Variants in ESR1 observed in about 807,000 individuals in gnomAD.
The protein encoded by ESR1 is estrogen receptor 1, also known as estrogen receptor.
In ESR1, 12 loss-of-function variants were observed where a neutral mutation model predicts 52.7. The observed-to-expected ratio is 0.23, with a 90% confidence interval of 0.15 to 0.37. The LOEUF is 0.37. Ranked by LOEUF, ESR1 falls within the 10% of genes least tolerant of loss-of-function variation. The pLI is 1.00. For missense variants in ESR1, 584 were observed against 779.7 expected, an observed-to-expected ratio of 0.75 and a Z score of 2.99; for synonymous variants, 305 against 316.8, an observed-to-expected ratio of 0.96 and a Z score of 0.39.
chr6:151,778,960 A>G (rs1356158919), intron 2 of ESR1, among the ~76,000 whole-genome samples: 1 of 151,788 alleles, frequency 6.6e-6, no homozygotes, highest in Non-Finnish European at 1.5e-5. Context: ...TTTCTTGTTA[A>G]TTTATTTAAG....
intron 2 of ESR1, among the ~76,000 whole-genome samples, chr6:151,739,134 G>A (rs1014835702): frequency 6.6e-6 from 1 of 152,168 alleles, no homozygotes; most frequent in Non-Finnish European, 1.5e-5. Flanking sequence ...GGACTGTCTT[G>A]TCTTGACCAC....
chr6:151,924,663 C>G (rs2032355913), intron 3 of ESR1, among the ~76,000 whole-genome samples: 1 of 152,124 alleles, frequency 6.6e-6, no homozygotes, highest in Admixed American at 6.6e-5. Context: ...ATTTATCTCT[C>G]ACTTAAAAGT....
chr6:151,891,960 A>C (rs1398571211), intron 3 of ESR1, among the ~76,000 whole-genome samples: 1 of 152,174 alleles, frequency 6.6e-6, no homozygotes, highest in Non-Finnish European at 1.5e-5. Context: ...ATAATTTAAA[A>C]GGGGCATTTT....
At chr6:151,675,964 T>C (rs1334984005) in intron 1 of ESR1, among the ~76,000 whole-genome samples, 2 of 152,234 alleles carry the variant, frequency 1.3e-5, no homozygotes, top group African/African-American at 2.4e-5. Context: ...AGCACCTGCC[T>C]GCAGATTCCA....
In ESR1 at chr6:151,901,509, C is replaced by T. The variant is rs538080943; in HGVS notation, c.760+20738C>T. ...AAAGTTCAGCTGGAGGTTTCCTTCT[C>T]GCTGTGGTCTTTTCCCAGTTCCTCT... is the stretch of plus-strand genomic sequence containing the variant. On this transcript the variant is annotated intron_variant, in intron 3 of 7. Coordinates refer to ENST00000206249, the MANE Select transcript of ESR1 (RefSeq NM_000125.4). Among the ~76,000 whole-genome samples the T allele has an allele frequency of 1.4e-4, 21 of 152,308 alleles. No homozygotes were observed. The South Asian group carries it at 1.9e-3, about 14-fold the overall frequency.
intron 5 of ESR1, among the ~76,000 whole-genome samples, chr6:152,043,683 G>A (rs756551782): frequency 6.6e-6 from 1 of 152,222 alleles, no homozygotes; most frequent in Non-Finnish European, 1.5e-5. Flanking sequence ...GGCAGCGCAG[G>A]TGGAGGAGGG....
intron 5 of ESR1, among the ~76,000 whole-genome samples, chr6:152,058,034 C>A (rs2047243409): frequency 6.6e-6 from 1 of 152,158 alleles, no homozygotes; most frequent in African/African-American, 2.4e-5. Flanking sequence ...CACAGGCTCC[C>A]TCCCACACTG....
chr6:152,038,992 A>T (rs544421898), intron 5 of ESR1, among the ~76,000 whole-genome samples: 9 of 152,228 alleles, frequency 5.9e-5, no homozygotes, highest in Non-Finnish European at 1.2e-4. Context: ...AGTAAAATGA[A>T]GATATTGTCT....
chr6:151,741,719 A>G (rs1055719874), intron 2 of ESR1, among the ~76,000 whole-genome samples: 2 of 152,202 alleles, frequency 1.3e-5, no homozygotes, highest in Non-Finnish European at 2.9e-5. Context: ...GTGATGAGAT[A>G]TATATAGATA....
chr6:152,083,296 T>A (rs992808422), intron 6 of ESR1, among the ~76,000 whole-genome samples: 3 of 152,146 alleles, frequency 2.0e-5, no homozygotes, highest in Non-Finnish European at 4.4e-5. Flanking sequence ...AACAGAGGCC[T>A]CAGAAATGAC....
intron 2 of ESR1, among the ~76,000 whole-genome samples, chr6:151,776,521 G>A (rs1390979032): frequency 6.6e-6 from 1 of 152,146 alleles, no homozygotes; most frequent in Admixed American, 6.6e-5. Context: ...GCAGAGGCAG[G>A]GATAGAACGT....
chr6:151,990,917 A>G (rs1471856821), intron 4 of ESR1, among the ~76,000 whole-genome samples: 2 of 152,204 alleles, frequency 1.3e-5, no homozygotes, highest in Non-Finnish European at 2.9e-5. Context: ...GATTATCTAT[A>G]AACATGTATA....
intron 1 of ESR1, among the ~76,000 whole-genome samples, chr6:151,836,870 A>G (rs1382834495): frequency 6.6e-6 from 1 of 152,188 alleles, no homozygotes; most frequent in African/African-American, 2.4e-5. Flanking sequence ...CTTTACAGAA[A>G]TATTTCCTTT....
chr6:151,935,430 A>G (rs1035048596), intron 3 of ESR1, among the ~76,000 whole-genome samples: 6 of 152,146 alleles, frequency 3.9e-5, no homozygotes, highest in African/African-American at 1.4e-4. Flanking sequence ...GGCAGGAGCC[A>G]CTGCCTTCAC....
intron 5 of ESR1, among the ~76,000 whole-genome samples, chr6:152,048,134 G>A (rs1470423066): frequency 6.6e-6 from 1 of 151,620 alleles, no homozygotes; most frequent in Non-Finnish European, 1.5e-5. Flanking sequence ...ACTTTCGGAC[G>A]CCGAGGCAGG....
At chr6:151,739,083 T>G (rs1287120005) in intron 2 of ESR1, among the ~76,000 whole-genome samples, 1 of 152,226 alleles carries the variant, frequency 6.6e-6, no homozygotes, top group Admixed American at 6.5e-5. Context: ...TTCTAATATT[T>G]CATGCTTTAT....
At chr6:151,857,100 A>G (rs1562483001) in intron 2 of ESR1, among the ~76,000 whole-genome samples, 3 of 152,188 alleles carry the variant, frequency 2.0e-5, no homozygotes, top group Admixed American at 6.5e-5. Context: ...AAGTCCATAC[A>G]TAAGTACAGT....
intron 1 of ESR1, among the ~76,000 whole-genome samples, chr6:151,836,712 C>A (rs1783391818): frequency 6.6e-6 from 1 of 152,118 alleles, no homozygotes; most frequent in Non-Finnish European, 1.5e-5. Context: ...GTGGTAAGTG[C>A]CATGAAAAAC....
At chr6:151,683,160 A>G (rs116696006) in intron 1 of ESR1, among the ~76,000 whole-genome samples, 1,902 of 152,132 alleles carry the variant, frequency 0.013, 45 homozygotes, top group African/African-American at 0.044. Flanking sequence ...TTTGTTTTCT[A>G]TGTTTTATCT....
Sources: allele counts gnomAD v4.1 joint callset (sites outside exome capture counted in the v4.1 genomes callset), GRCh38; gene constraint gnomAD v4.1.1; transcripts MANE v1.5; gene names NCBI Gene and HGNC (gene_info 2026-07-23, HGNC 2026-07-21).